MGLL: variants seen among roughly 807,000 people sequenced by gnomAD.
MGLL encodes monoglyceride lipase.
A neutral mutation model predicts 29.1 loss-of-function variants in MGLL; 7 were observed. The ratio of observed to expected loss-of-function variants is 0.24; its 90% confidence interval spans 0.14 to 0.45. MGLL has a LOEUF of 0.45. Ranked by LOEUF, MGLL falls within the 20% of genes least tolerant of loss-of-function variation. The pLI is 0.99. For synonymous variants in MGLL, 148 were observed against 168.3 expected (o/e 0.88, Z 0.93); for missense variants, 356 against 413.6 (o/e 0.86, Z 1.21).
At chr3:127,705,127 A>C (rs1433393321) in intron 6 of MGLL, among the ~76,000 whole-genome samples, 8 of 152,340 alleles carry the variant, frequency 5.3e-5, no homozygotes, top group African/African-American at 1.9e-4. Flanking sequence ...AGGAACTGAA[A>C]ACCAAACACC....
chr3:127,740,165 C>G (rs1222746078), intron 3 of MGLL, among the ~76,000 whole-genome samples: 1 of 152,236 alleles, frequency 6.6e-6, no homozygotes, highest in Non-Finnish European at 1.5e-5. Context: ...TTTTTAAAAA[C>G]TTGTGGTAAA....
At chr3:127,793,918 A>AG (rs2077341838) in intron 2 of MGLL, among the ~76,000 whole-genome samples, 1 of 152,252 alleles carries the variant, frequency 6.6e-6, no homozygotes, top group Non-Finnish European at 1.5e-5. Context: ...TCTTGAAGTA[A>AG]GACTGTCTTC....
chr3:127,706,133 T>C (rs2075597886), intron 6 of MGLL, among the ~76,000 whole-genome samples: 2 of 152,144 alleles, frequency 1.3e-5, no homozygotes, highest in South Asian at 2.1e-4. Flanking sequence ...GGAGTAGATA[T>C]CTGCACCGCC....
At chr3:127,778,022 GC>G (rs2077064115) in intron 3 of MGLL, among the ~76,000 whole-genome samples, 1 of 152,184 alleles carries the variant, frequency 6.6e-6, no homozygotes, top group Admixed American at 6.5e-5. Flanking sequence ...ATGACTCTGA[GC>G]CCACCAATTT....
chr3:127,714,252 C>T (rs940982787), intron 5 of MGLL: 1 of 152,170 alleles, frequency 6.6e-6, no homozygotes, highest in Admixed American at 6.5e-5. Context: ...GGAGGCCTCC[C>T]CGTCCTATGG....
intron 3 of MGLL, among the ~76,000 whole-genome samples, chr3:127,734,521 G>A (rs2076210071): frequency 1.3e-5 from 2 of 152,156 alleles, no homozygotes; most frequent in African/African-American, 2.4e-5. Context: ...CTGCTCCTTC[G>A]CAGGTGCCAA....
chr3:127,721,506 GGTTTT>G (rs2075921861), intron 4 of MGLL, among the ~76,000 whole-genome samples: 1 of 74,866 alleles, frequency 1.3e-5, no homozygotes, highest in African/African-American at 4.5e-5. Flanking sequence ...TTAATAGGAG[GGTTTT>G]TTTTTTTTTT....
At chr3:127,813,247 C>G (rs1269279926) in intron 2 of MGLL, among the ~76,000 whole-genome samples, 1 of 152,160 alleles carries the variant, frequency 6.6e-6, no homozygotes, top group Non-Finnish European at 1.5e-5. Context: ...TCTTCCGACT[C>G]TTGTTCTCCC....
At chr3:127,782,000 T>A in intron 2 of MGLL, 105 bp from the exon 3 acceptor site, 1 of 1,009,050 alleles carries the variant, frequency 9.9e-7, no homozygotes. Context: ...GCGGGCGGAT[T>A]GCCTGAGCTC....
intron 3 of MGLL, among the ~76,000 whole-genome samples, chr3:127,731,636 G>A (rs2107641436): frequency 6.6e-6 from 1 of 152,220 alleles, no homozygotes; most frequent in Non-Finnish European, 1.5e-5. Flanking sequence ...TGAGAGCCCT[G>A]AAATTCTTCA....
In MGLL at chr3:127,740,747, C is replaced by T. The variant is rs139299090; in HGVS notation, c.263-18181G>A. The stretch of plus-strand genomic sequence containing the variant: ...TGGCCTGGAAGGAAAGCTCCCCACA[C>T]TGAGGGTGGAGGTGAGGCTTGCAGG... On this transcript the variant is annotated intron_variant, in intron 3 of 7. Transcript: ENST00000265052. Among the ~76,000 whole-genome samples the T allele has an allele frequency of 5.2e-3, 796 of 152,348 alleles. 6 individuals carry two copies. Among genetic ancestry groups the T allele is most frequent in the African/African-American group, 0.016 (668 of 41,578 alleles).
intron 3 of MGLL, among the ~76,000 whole-genome samples, chr3:127,743,482 G>A (rs781553509): frequency 2.7e-5 from 4 of 147,510 alleles, no homozygotes; most frequent in Non-Finnish European, 4.4e-5. Context: ...CAAAGGAACC[G>A]CTTCCTTAGA....
At chr3:127,698,780 T>C (rs932325822) in intron 6 of MGLL, among the ~76,000 whole-genome samples, 7 of 152,210 alleles carry the variant, frequency 4.6e-5, no homozygotes, top group African/African-American at 7.2e-5. Context: ...TTATTTCTTA[T>C]AGCTGCTTGT....
chr3:127,697,061 C>T (rs1282264474), intron 6 of MGLL, among the ~76,000 whole-genome samples: 1 of 152,258 alleles, frequency 6.6e-6, no homozygotes, highest in South Asian at 2.1e-4. Context: ...TAAATCCACA[C>T]GAGACAGATT....
chr3:127,780,480 T>C (rs542015350), intron 3 of MGLL, among the ~76,000 whole-genome samples: 1 of 152,212 alleles, frequency 6.6e-6, no homozygotes, highest in Non-Finnish European at 1.5e-5. Context: ...TCGGAGATGA[T>C]CCTCAAATAT....
chr3:127,738,940 G>A (rs1296016420), intron 3 of MGLL, among the ~76,000 whole-genome samples: 3 of 152,348 alleles, frequency 2.0e-5, no homozygotes, highest in Admixed American at 6.5e-5. Context: ...TGGCTTCCAC[G>A]CAGGATGGGC....
At chr3:127,698,416 C>A (rs942468680) in intron 6 of MGLL, among the ~76,000 whole-genome samples, 1 of 152,190 alleles carries the variant, frequency 6.6e-6, no homozygotes, top group African/African-American at 2.4e-5. Flanking sequence ...ATAGCCAGGC[C>A]CCTTCCTCCC....
chr3:127,694,864 C>T (rs1270241291), intron 7 of MGLL, 111 bp downstream of exon 7: 2 of 1,042,028 alleles, frequency 1.9e-6, no homozygotes, highest in East Asian at 4.9e-5. Flanking sequence ...GGTCCCTATC[C>T]TGAGACCTGG....
intron 3 of MGLL, among the ~76,000 whole-genome samples, chr3:127,746,378 C>T (rs996311950): frequency 1.3e-5 from 2 of 152,128 alleles, no homozygotes; most frequent in Admixed American, 1.3e-4. Flanking sequence ...GTCCTGGGCT[C>T]ACAGATCCAC....
Sources: allele counts gnomAD v4.1 joint callset (sites outside exome capture counted in the v4.1 genomes callset), GRCh38; gene constraint gnomAD v4.1.1; transcripts MANE v1.5; gene names NCBI Gene and HGNC (gene_info 2026-07-23, HGNC 2026-07-21).